Variants in PTGER3 observed in about 807,000 individuals in gnomAD.
PTGER3 encodes the protein prostaglandin E2 receptor EP3 subtype.
PTGER3 carries 22 observed loss-of-function variants against 34.7 expected under a neutral mutation model. The observed-to-expected ratio is 0.63, with a 90% CI of 0.45 to 0.91. The LOEUF (loss-of-function observed/expected upper bound fraction) is 0.91, where lower values mean the gene tolerates loss of function less well. PTGER3 is among the 40% of genes least tolerant of loss of function. The pLI is 0.00. For synonymous variants in PTGER3, 241 were observed against 230.1 expected (o/e 1.05, Z -0.43); for missense variants, 468 against 519.4 (o/e 0.90, Z 0.96).
chr1:70,940,512 G>C (rs575658211), intron 4 of PTGER3, among the ~76,000 whole-genome samples: 16 of 152,186 alleles, frequency 1.1e-4, no homozygotes, highest in Non-Finnish European at 1.9e-4. Context: ...GGAAGAAAAA[G>C]AGGTTTAATT....
chr1:70,955,189 CT>C (rs1651192488), intron 2 of PTGER3, among the ~76,000 whole-genome samples: 1 of 152,044 alleles, frequency 6.6e-6, no homozygotes. Context: ...ATCTATAGGC[CT>C]TGAGGAAGTA....
chr1:70,858,430 G>A (rs1336820087), intron 4 of PTGER3, among the ~76,000 whole-genome samples: 2 of 151,890 alleles, frequency 1.3e-5, no homozygotes, highest in Non-Finnish European at 2.9e-5. Context: ...CGTTTCTGTT[G>A]GTATAGTTTT....
At chr1:70,935,904 G>C (rs1196131865) in intron 4 of PTGER3, among the ~76,000 whole-genome samples, 1 of 151,890 alleles carries the variant, frequency 6.6e-6, no homozygotes, top group Admixed American at 6.6e-5. Context: ...CTGGGAAAAG[G>C]GAATAGCAGG....
At chr1:70,876,631 A>G (rs781604469) in intron 4 of PTGER3, among the ~76,000 whole-genome samples, 4 of 152,020 alleles carry the variant, frequency 2.6e-5, no homozygotes, top group Non-Finnish European at 4.4e-5. Context: ...TGATTTTTGT[A>G]TATGGTATAA....
At chr1:70,864,706 A>G (rs144261984) in intron 4 of PTGER3, among the ~76,000 whole-genome samples, 2 of 152,318 alleles carry the variant, frequency 1.3e-5, no homozygotes, top group East Asian at 3.9e-4. Flanking sequence ...CTATAAGCCC[A>G]GTACTTTTTT....
intron 2 of PTGER3, 194 bp downstream of exon 2, chr1:71,012,111 C>A: frequency 1.3e-6 from 2 of 1,504,768 alleles, no homozygotes; most frequent in Non-Finnish European, 1.8e-6. Context: ...AAAAATTCCA[C>A]TTCAATGCAT....
At chr1:71,011,584 A>G (rs1303423813) in intron 2 of PTGER3, 4 of 984,774 alleles carry the variant, frequency 4.1e-6, no homozygotes, top group Non-Finnish European at 4.8e-6. Context: ...CATATTTCAA[A>G]CAAATGGAAT....
intron 4 of PTGER3, among the ~76,000 whole-genome samples, chr1:70,938,156 G>T (rs902984911): frequency 1.3e-5 from 2 of 152,070 alleles, no homozygotes; most frequent in African/African-American, 4.8e-5. Context: ...TATTTTAAAA[G>T]CTTCATGCTA....
At chr1:71,007,920 C>T (rs1157206327) in intron 2 of PTGER3, 3 of 985,178 alleles carry the variant, frequency 3.0e-6, no homozygotes, top group South Asian at 4.7e-5. Flanking sequence ...CATGAAAAGG[C>T]TGACTTGTTT....
intron 4 of PTGER3, among the ~76,000 whole-genome samples, chr1:70,921,231 G>A (rs568340327): frequency 6.6e-6 from 1 of 152,182 alleles, no homozygotes; most frequent in East Asian, 1.9e-4. Context: ...AGGTAGATAT[G>A]TACTCAGAGA....
chr1:71,005,013 G>A (rs574651132), intron 2 of PTGER3, among the ~76,000 whole-genome samples: 78 of 152,314 alleles, frequency 5.1e-4, no homozygotes, highest in Admixed American at 2.1e-3. Flanking sequence ...TTTAAGGAGT[G>A]GTTCCAACTG....
intron 4 of PTGER3, among the ~76,000 whole-genome samples, chr1:70,921,196 C>G (rs988323083): frequency 6.6e-6 from 1 of 152,078 alleles, no homozygotes; most frequent in Non-Finnish European, 1.5e-5. Context: ...TCTTCCCCCT[C>G]AAGGAGCTTA....
intron 1 of PTGER3, among the ~76,000 whole-genome samples, chr1:71,037,229 C>A (rs189238640): frequency 6.6e-6 from 1 of 152,154 alleles, no homozygotes; most frequent in Admixed American, 6.5e-5. Context: ...CTTATTGGAA[C>A]GACTGATTAT....
chr1:70,974,321 A>G lies in PTGER3; in HGVS notation c.1145T>C (p.Leu382Ser). 1 of 1,551,662 alleles carries G rather than the reference A, an allele frequency of 6.4e-7. No homozygotes were observed. ...CCTTTCCAAATGGTCGCTCCACATC[A>G]AGGTTGAGGAACACTGGCAGGGTAA... ...TSLPCQCSST[L>S]MWSDHLER Residue 382 changes from leucine to serine, a missense_variant, in exon 3 of 4, where the codon TTG becomes TCG. Physicochemically the swap from Leu to Ser is moderately radical, Grantham distance 145. Transcript: ENST00000306666.
chr1:70,990,726 C>G (rs768932401), intron 2 of PTGER3, among the ~76,000 whole-genome samples: 1 of 151,972 alleles, frequency 6.6e-6, no homozygotes, highest in Non-Finnish European at 1.5e-5. Context: ...AATTCTCCCA[C>G]CTCAGCTTCC....
At chr1:70,933,505 A>G (rs750810641) in intron 4 of PTGER3, among the ~76,000 whole-genome samples, 6 of 152,232 alleles carry the variant, frequency 3.9e-5, no homozygotes, top group Non-Finnish European at 7.3e-5. Context: ...TTTTCCCCAA[A>G]TAAACATCAT....
rs1244033262 is a variant in PTGER3 at position 70,997,937 on chromosome 1, T to C, written c.1077+14368A>G. Among the ~76,000 whole-genome samples the C allele has an allele frequency of 2.6e-5, 4 of 152,230 alleles. No individual in the cohort carries two copies. In the East Asian group the frequency reaches 7.7e-4, roughly 29 times the overall value. On this transcript the variant is annotated intron_variant, in intron 2 of 3. Coordinates refer to ENST00000306666, the MANE Select transcript of PTGER3 (RefSeq NM_198719.2). ...CATCCATCTACAGCAAACTCCCTAGTGGTTTTCTGGTATGTGCTTGAATAT... is the reference window on the plus strand; with the variant it reads ...CATCCATCTACAGCAAACTCCCTAGCGGTTTTCTGGTATGTGCTTGAATAT...
chr1:70,972,543 T>C (rs955267627), intron 3 of PTGER3, among the ~76,000 whole-genome samples: 1 of 151,952 alleles, frequency 6.6e-6, no homozygotes, highest in Non-Finnish European at 1.5e-5. Context: ...TATATATATA[T>C]AAACAGTTTT....
At chr1:71,011,424 A>G (rs1462114202) in intron 2 of PTGER3, 5 of 985,188 alleles carry the variant, frequency 5.1e-6, no homozygotes, top group Non-Finnish European at 6.0e-6. Context: ...GAGTACCTAT[A>G]GTTAGTGCTC....
Sources: gnomAD v4.1 joint callset for allele counts (sites outside exome capture counted in the v4.1 genomes callset) on GRCh38, gnomAD v4.1.1 for gene constraint, MANE v1.5 for transcripts, NCBI Gene and HGNC (gene_info 2026-07-23, HGNC 2026-07-21) for gene names.